The following DOCK3 variants were observed in gnomAD, a reference collection of about 807,000 sequenced individuals.
DOCK3 encodes dedicator of cytokinesis 3.
DOCK3 carries 60 observed loss-of-function variants against 265.6 expected under a neutral mutation model. The ratio of observed to expected loss-of-function variants is 0.23; its 90% confidence interval spans 0.18 to 0.28. The LOEUF (loss-of-function observed/expected upper bound fraction) is 0.28. Ranked by LOEUF, DOCK3 falls within the 10% of genes least tolerant of loss-of-function variation. The pLI, the probability that DOCK3 is intolerant of heterozygous loss-of-function variation, is 1.00. For synonymous variants in DOCK3, 881 were observed against 938.0 expected, an observed-to-expected ratio of 0.94 and a Z score of 1.11; for missense variants, 1,981 against 2,594.3, an observed-to-expected ratio of 0.76 and a Z score of 5.14.
At chr3:51,305,735 C>CGTGTGTGTGTGT (rs113288288) in intron 27 of DOCK3, among the ~76,000 whole-genome samples, 2 of 137,760 alleles carry the variant, frequency 1.5e-5, no homozygotes, top group South Asian at 2.4e-4. Context: ...TGTGTGTGCG[C>CGTGTGTGTGTGT]GTGTGTGTGT....
chr3:51,232,848 T>A (rs1560253383), intron 19 of DOCK3, among the ~76,000 whole-genome samples: 1 of 152,216 alleles, frequency 6.6e-6, no homozygotes, highest in Non-Finnish European at 1.5e-5. Flanking sequence ...CACTGATATT[T>A]CTTTTGCTGC....
At chr3:50,875,205 T>A (rs1443737551) in intron 3 of DOCK3, among the ~76,000 whole-genome samples, 1 of 152,106 alleles carries the variant, frequency 6.6e-6, no homozygotes, top group African/African-American at 2.4e-5. Flanking sequence ...TCCCAGAACT[T>A]AAAGTAAAAT....
chr3:51,093,036 A>G (rs1298925767), intron 9 of DOCK3, among the ~76,000 whole-genome samples: 3 of 152,144 alleles, frequency 2.0e-5, no homozygotes, highest in Admixed American at 6.5e-5. Flanking sequence ...CCATTGGCCT[A>G]TATATCCGTT....
At chr3:51,110,609 G>A (rs1311570797) in intron 9 of DOCK3, among the ~76,000 whole-genome samples, 7 of 152,084 alleles carry the variant, frequency 4.6e-5, no homozygotes, top group Middle Eastern at 3.4e-3. Context: ...CAATAGATGC[G>A]GAAAAGGCTT....
intron 7 of DOCK3, among the ~76,000 whole-genome samples, chr3:51,082,392 C>A (rs557028496): frequency 2.6e-5 from 4 of 152,274 alleles, no homozygotes; most frequent in African/African-American, 9.6e-5. Flanking sequence ...CAGCATTGTT[C>A]CTGGGTCTCC....
At chr3:51,233,759 G>A (rs144722989) in intron 19 of DOCK3, among the ~76,000 whole-genome samples, 2 of 152,284 alleles carry the variant, frequency 1.3e-5, no homozygotes, top group Non-Finnish European at 2.9e-5. Flanking sequence ...TATGGCTACT[G>A]TAAACGCAAT....
chr3:50,706,697 C>T (rs1286823835), intron 1 of DOCK3, among the ~76,000 whole-genome samples: 2 of 152,046 alleles, frequency 1.3e-5, no homozygotes, highest in Non-Finnish European at 2.9e-5. Context: ...TACTTTTGCC[C>T]ATCTCTTCTC....
At chr3:51,137,502 A>C (rs1050107660) in intron 9 of DOCK3, among the ~76,000 whole-genome samples, 1 of 152,206 alleles carries the variant, frequency 6.6e-6, no homozygotes, top group Non-Finnish European at 1.5e-5. Flanking sequence ...AGTGCCGGGC[A>C]TGGGCTGATA....
chr3:51,248,526 G>A (rs192705333), intron 22 of DOCK3, among the ~76,000 whole-genome samples: 3,470 of 152,240 alleles, frequency 0.023, 71 homozygotes, highest in Non-Finnish European at 0.03. Flanking sequence ...GTGCAGTGGC[G>A]TGATCTCGGC....
chr3:50,712,816 G>A (rs1372347678), intron 1 of DOCK3, among the ~76,000 whole-genome samples: 1 of 152,136 alleles, frequency 6.6e-6, no homozygotes, highest in Admixed American at 6.6e-5. Context: ...TATAGTTTGT[G>A]TAATTTCAGC....
chr3:51,091,271 A>G, intron 9 of DOCK3, among the ~76,000 whole-genome samples: 1 of 152,166 alleles, frequency 6.6e-6, no homozygotes, highest in East Asian at 1.9e-4. Flanking sequence ...TTCTTTTCCT[A>G]CTATCCAGAT....
chr3:50,913,056 G>A (rs923157010), intron 4 of DOCK3, among the ~76,000 whole-genome samples: 4 of 152,112 alleles, frequency 2.6e-5, no homozygotes, highest in Non-Finnish European at 1.5e-5. Context: ...GGAATGTTCT[G>A]TGTCTCACCT....
At chr3:51,299,278 G>A (rs1165186979) in intron 27 of DOCK3, among the ~76,000 whole-genome samples, 2 of 150,034 alleles carry the variant, frequency 1.3e-5, no homozygotes, top group Non-Finnish European at 3.0e-5. Flanking sequence ...TTTTTTTCTT[G>A]TAAGTTTGTT....
chr3:51,337,720 T>G (rs971265345), intron 35 of DOCK3, among the ~76,000 whole-genome samples: 2 of 152,194 alleles, frequency 1.3e-5, no homozygotes, highest in African/African-American at 4.8e-5. Flanking sequence ...AGATCCATTC[T>G]CAGTGTTCCT....
intron 38 of DOCK3, among the ~76,000 whole-genome samples, 179 bp from the exon 39 acceptor site, chr3:51,348,673 C>G (rs963974988): frequency 2.6e-5 from 4 of 152,192 alleles, no homozygotes; most frequent in African/African-American, 9.7e-5. Flanking sequence ...TATGCTTGAG[C>G]TAGAAAGCCA....
chr3:50,852,345 T>C (rs2046386269), intron 3 of DOCK3, among the ~76,000 whole-genome samples: 1 of 152,220 alleles, frequency 6.6e-6, no homozygotes, highest in Non-Finnish European at 1.5e-5. Context: ...TACTAGTCCT[T>C]CTTTCAATAT....
intron 2 of DOCK3, chr3:50,788,158 T>C: frequency 1.3e-6 from 1 of 758,550 alleles, no homozygotes; most frequent in Non-Finnish European, 2.1e-6. Context: ...ACAGGTCAAG[T>C]TCCTTGTGGC....
chr3:50,717,650 TCTCA>T (rs1209654741), intron 1 of DOCK3, among the ~76,000 whole-genome samples: 1 of 152,040 alleles, frequency 6.6e-6, no homozygotes, highest in Non-Finnish European at 1.5e-5. Context: ...TGAGACGGAG[TCTCA>T]CTCTGTTCCT....
intron 12 of DOCK3, among the ~76,000 whole-genome samples, chr3:51,203,968 A>G (rs1170133026): frequency 6.6e-6 from 1 of 152,198 alleles, no homozygotes; most frequent in Non-Finnish European, 1.5e-5. Context: ...CAATATGTAG[A>G]AAGCTGAAAC....
Sources: gnomAD v4.1 joint callset for allele counts (sites outside exome capture counted in the v4.1 genomes callset) on GRCh38, gnomAD v4.1.1 for gene constraint, MANE v1.5 for transcripts, NCBI Gene and HGNC (gene_info 2026-07-23, HGNC 2026-07-21) for gene names.